The following THSD7B variants were observed in gnomAD, a reference collection of about 807,000 sequenced individuals.
THSD7B encodes thrombospondin type 1 domain containing 7B.
THSD7B carries 138 observed loss-of-function variants against 213.6 expected under a neutral mutation model. The ratio of observed to expected loss-of-function variants is 0.65; its 90% confidence interval spans 0.56 to 0.74. The LOEUF (loss-of-function observed/expected upper bound fraction) is 0.74. Ranked by LOEUF, THSD7B falls within the 30% of genes least tolerant of loss-of-function variation. The pLI, the probability that THSD7B is intolerant of heterozygous loss-of-function variation, is 0.00. For synonymous variants in THSD7B, 742 were observed against 687.0 expected, an observed-to-expected ratio of 1.08 and a Z score of -1.25; for missense variants, 1,931 against 1,991.5, an observed-to-expected ratio of 0.97 and a Z score of 0.58.
chr2:137,261,560 G>T (rs754201630), intron 10 of THSD7B, among the ~76,000 whole-genome samples: 63 of 152,176 alleles, frequency 4.1e-4, no homozygotes, highest in Non-Finnish European at 7.9e-4. Flanking sequence ...ATTCTAAAAA[G>T]TCGCATTATT....
intron 12 of THSD7B, among the ~76,000 whole-genome samples, chr2:137,326,054 C>T (rs2104886065): frequency 6.6e-6 from 1 of 152,260 alleles, no homozygotes; most frequent in African/African-American, 2.4e-5. Flanking sequence ...CATTCCAGAA[C>T]CAGTCTCGTT....
intron 15 of THSD7B, among the ~76,000 whole-genome samples, chr2:137,492,858 C>T (rs1056601918): frequency 1.3e-5 from 2 of 151,722 alleles, no homozygotes; most frequent in Admixed American, 6.6e-5. Flanking sequence ...CGTGGTGGCT[C>T]ACACTATAAT....
intron 15 of THSD7B, among the ~76,000 whole-genome samples, chr2:137,480,860 C>T (rs187433462): frequency 3.9e-5 from 6 of 152,330 alleles, no homozygotes; most frequent in Admixed American, 2.6e-4. Flanking sequence ...CCCAGAAGCA[C>T]GAAGTGCTAT....
At chr2:137,439,754 C>T (rs997010107) in intron 14 of THSD7B, among the ~76,000 whole-genome samples, 1 of 152,068 alleles carries the variant, frequency 6.6e-6, no homozygotes, top group Non-Finnish European at 1.5e-5. Flanking sequence ...GTGAAAGGTA[C>T]AGTTTTTTGG....
In THSD7B at chr2:137,677,479, T is replaced by G. The variant is rs1238003483; in HGVS notation, c.*874T>G. 6.6e-6 allele frequency: 1 copy of G among 152,604 alleles called. No individual in the cohort carries two copies. The highest frequency in any genetic ancestry group is 1.5e-5 in the Non-Finnish European group (1 of 68,042). 9.5% of individuals were successfully genotyped at this position (152,604 alleles called of 1,614,324 possible). A position where few individuals can be genotyped will look rare whatever the true frequency, so the allele number is the denominator to read the frequency against. On this transcript the variant is annotated 3_prime_UTR_variant, in exon 28 of 28. Coordinates refer to ENST00000409968, the MANE Select transcript of THSD7B (RefSeq NM_001316349.2). ...TAATTTCAATTTTCTTATCTGAATATTTATAAATTCTTCTTTCAAATTTAA... is the reference window on the plus strand; with the variant it reads ...TAATTTCAATTTTCTTATCTGAATAGTTATAAATTCTTCTTTCAAATTTAA...
intron 10 of THSD7B, among the ~76,000 whole-genome samples, chr2:137,253,779 G>A (rs1356887509): frequency 6.6e-6 from 1 of 152,088 alleles, no homozygotes; most frequent in Non-Finnish European, 1.5e-5. Flanking sequence ...CAATTAAAAA[G>A]AATAAATTAG....
At chr2:137,651,504 T>A (rs1022749964) in intron 21 of THSD7B, among the ~76,000 whole-genome samples, 45 of 151,842 alleles carry the variant, frequency 3.0e-4, no homozygotes, top group East Asian at 7.7e-4. Context: ...TTTATTTTTT[T>A]AAAAAAAACA....
rs1289406390 is a variant in THSD7B, at chr2:137,163,364, C to T, written c.1525+2996C>T. Among the ~76,000 whole-genome samples, 2 of 152,160 alleles carry T rather than the reference C, an allele frequency of 1.3e-5. 1 individual carries two copies. The highest frequency in any genetic ancestry group is 2.9e-5 in the Non-Finnish European group (2 of 68,038). ...GTAATGAAGTTAAGATTAGGTCATA[C>T]TGGATTAAGGTAGGCTCTATTCCAG... On this transcript the variant is annotated intron_variant, in intron 6 of 27. Coordinates refer to ENST00000409968, the MANE Select transcript of THSD7B (RefSeq NM_001316349.2).
intron 15 of THSD7B, among the ~76,000 whole-genome samples, chr2:137,481,910 G>T (rs1396440392): frequency 6.6e-6 from 1 of 152,180 alleles, no homozygotes; most frequent in Non-Finnish European, 1.5e-5. Context: ...GGCCGCAGTG[G>T]CTCACACCTG....
chr2:137,216,284 C>G (rs1681241741), intron 7 of THSD7B, among the ~76,000 whole-genome samples: 1 of 7,908 alleles, frequency 1.3e-4, no homozygotes, highest in East Asian at 3.2e-3. Flanking sequence ...GCCCCCCACC[C>G]CCCTGCATTA....
At chr2:137,459,430 G>T (rs536798347) in intron 15 of THSD7B, among the ~76,000 whole-genome samples, 2 of 152,166 alleles carry the variant, frequency 1.3e-5, no homozygotes, top group East Asian at 1.9e-4. Flanking sequence ...ACTTTGAGAG[G>T]CCAAACAGGC....
chr2:137,309,019 A>G (rs1683824047), intron 12 of THSD7B, among the ~76,000 whole-genome samples: 1 of 152,150 alleles, frequency 6.6e-6, no homozygotes, highest in African/African-American at 2.4e-5. Flanking sequence ...CTATAAGTGG[A>G]ATTTGTGAGT....
chr2:137,613,742 AG>A (rs1219367680), intron 17 of THSD7B, among the ~76,000 whole-genome samples: 53 of 152,160 alleles, frequency 3.5e-4, no homozygotes, highest in African/African-American at 1.3e-3. Flanking sequence ...ATTGTATTTG[AG>A]GAGTCTTGAT....
intron 3 of THSD7B, among the ~76,000 whole-genome samples, chr2:137,091,337 G>A (rs1221197575): frequency 6.6e-6 from 1 of 152,064 alleles, no homozygotes; most frequent in African/African-American, 2.4e-5. Context: ...ATAGCATGGG[G>A]CTTTCTTTAT....
chr2:137,052,802 A>G (rs1687093165), intron 2 of THSD7B, among the ~76,000 whole-genome samples: 1 of 152,174 alleles, frequency 6.6e-6, no homozygotes, highest in Non-Finnish European at 1.5e-5. Context: ...ATACAACTGA[A>G]TAAATCATGG....
chr2:136,945,826 C>T (rs13422883), intron 2 of THSD7B, among the ~76,000 whole-genome samples: 3,985 of 152,224 alleles, frequency 0.026, 176 homozygotes, highest in African/African-American at 0.09. Flanking sequence ...TCCATCAGGT[C>T]ATTTAAGGTC....
intron 1 of THSD7B, among the ~76,000 whole-genome samples, chr2:136,807,525 T>TTTTTTTTTTTA (rs70975713): frequency 2.0e-5 from 3 of 148,924 alleles, no homozygotes; most frequent in Non-Finnish European, 3.0e-5. Flanking sequence ...TTTTTTTTTT[T>TTTTTTTTTTTA]GAGACGGAGT....
chr2:137,016,122 A>G (rs1341874387), intron 2 of THSD7B, among the ~76,000 whole-genome samples: 1 of 152,124 alleles, frequency 6.6e-6, no homozygotes, highest in Non-Finnish European at 1.5e-5. Flanking sequence ...TTTCATCCTC[A>G]CAAGAACCTT....
At chr2:137,556,419 A>G (rs10177141) in intron 15 of THSD7B, among the ~76,000 whole-genome samples, 71,029 of 151,844 alleles carry the variant, frequency 0.47, 17,019 homozygotes, top group South Asian at 0.66. Context: ...TTTTCAACCC[A>G]GAATTTCATA....
Sources: allele counts gnomAD v4.1 joint callset (sites outside exome capture counted in the v4.1 genomes callset), GRCh38; gene constraint gnomAD v4.1.1; transcripts MANE v1.5; gene names NCBI Gene and HGNC (gene_info 2026-07-23, HGNC 2026-07-21).